LRRC61: variants seen among roughly 807,000 people sequenced by gnomAD.
LRRC61 encodes the protein leucine rich repeat containing 61.
A neutral mutation model predicts 15.1 loss-of-function variants in LRRC61; 9 were observed. The ratio of observed to expected loss-of-function variants is 0.60; its 90% CI spans 0.36 to 1.04. The LOEUF (loss-of-function observed/expected upper bound fraction) is 1.04, where lower values mean the gene tolerates loss of function less well. LRRC61 is among the 50% of genes least tolerant of loss of function. The pLI is 0.01. For missense variants in LRRC61, 344 were observed against 335.6 expected (o/e 1.03, Z -0.20); for synonymous variants, 173 against 158.6 (o/e 1.09, Z -0.68).
intron 1 of LRRC61, among the ~76,000 whole-genome samples, chr7:150,323,995 C>G (rs1179618623): frequency 6.6e-6 from 1 of 152,194 alleles, no homozygotes; most frequent in Non-Finnish European, 1.5e-5. Flanking sequence ...AGTATGAAAC[C>G]TAATGATGCA....
chr7:150,323,652 G>A (rs1305379286), intron 1 of LRRC61, 92 bp downstream of exon 1: 6 of 455,650 alleles, frequency 1.3e-5, no homozygotes, highest in Admixed American at 7.0e-5. Flanking sequence ...GGCCAGCGGT[G>A]CCCTCGCGCC....
At chr7:150,322,280 T>C (rs1189933088), upstream of LRRC61, among the ~76,000 whole-genome samples, 10 of 152,320 alleles carry the variant, frequency 6.6e-5, no homozygotes, top group Admixed American at 6.5e-5. Flanking sequence ...GCTGCATTCA[T>C]AGGAGGTTAG....
Position 150,337,600 on chromosome 7 carries a change from G to T in LRRC61, c.739G>T (p.Val247Leu). Residue 247 changes from valine to leucine, a missense_variant, in exon 3 of 3, where the codon GTA (valine) becomes TTA (leucine). Coordinates refer to ENST00000359623, the MANE Select transcript of LRRC61 (RefSeq NM_001142928.2). ...ASDSLAQAEQ[V>L]LSSAGPTSSF... ...CGACAGCCTGGCCCAGGCGGAGCAG[G>T]TACTCAGCTCTGCGGGCCCCACCTC... 2 of 1,556,798 alleles carry T rather than the reference G, an allele frequency of 1.3e-6. No individual in the cohort carries two copies. The highest frequency in any genetic ancestry group is 1.4e-5 in the African/African-American group (1 of 72,944).
the LRRC61 span, among the ~76,000 whole-genome samples, chr7:150,313,651 G>A: frequency 5.3e-5 from 8 of 152,106 alleles, no homozygotes; most frequent in South Asian, 6.2e-4. Context: ...TTTTTTTCAC[G>A]TTAACTTTGC....
rs1798062379 is a variant in LRRC61 at position 150,330,197 on chromosome 7, C to T, written c.-145+4187C>T. ...AGGGACTCCTCACCCAGCTCCAGCG[C>T]CAGCGCAGCCTCCTAGCCCACCAGC... On this transcript the variant is annotated intron_variant, in intron 2 of 2. Transcript: ENST00000359623. This position sits in a 1 kb window ranked among gnomAD's most constrained non-coding sequence, Gnocchi z 4.6. 1 of 590,780 alleles carries T rather than the reference C, an allele frequency of 1.7e-6. No homozygotes were observed. Among genetic ancestry groups the T allele is most frequent in the Admixed American group, 3.1e-5 (1 of 32,498 alleles). 36.6% of individuals were successfully genotyped at this position (590,780 alleles called of 1,614,324 possible).
At chr7:150,329,214 G>C (rs1024939802) in intron 2 of LRRC61, among the ~76,000 whole-genome samples, 1 of 152,216 alleles carries the variant, frequency 6.6e-6, no homozygotes, top group Non-Finnish European at 1.5e-5. Context: ...TGCTATGCAG[G>C]CCTGGAGCTT....
rs570232334 is a variant in LRRC61 at position 150,330,310 on chromosome 7, A to G, written c.-145+4300A>G. The G allele has an allele frequency of 5.6e-6, 4 of 712,468 alleles. No individual in the cohort carries two copies. The highest frequency in any genetic ancestry group is 3.7e-5 in the Admixed American group (2 of 53,982). The allele number at this position is 712,468 out of a possible 1,614,324, so 44.1% of individuals were successfully genotyped here. ...CAGCAGCAGCCCCTTCAAGAGTACA[A>G]GGGCAGGCACCAGCTGGGGAAGGCT... is the stretch of plus-strand genomic sequence containing the variant. On this transcript the variant is annotated intron_variant, in intron 2 of 2. Coordinates refer to ENST00000359623, the MANE Select transcript of LRRC61 (RefSeq NM_001142928.2). The surrounding 1 kb of genome is among the most constrained non-coding windows in gnomAD (Gnocchi z 4.6).
chr7:150,313,386 A>G, the LRRC61 span, among the ~76,000 whole-genome samples: 1 of 152,242 alleles, frequency 6.6e-6, no homozygotes, highest in Admixed American at 6.5e-5. Flanking sequence ...GAAAGGGACA[A>G]GTTATTATCC....
At chr7:150,315,741 T>C in the LRRC61 span, among the ~76,000 whole-genome samples, 1 of 152,120 alleles carries the variant, frequency 6.6e-6, no homozygotes, top group African/African-American at 2.4e-5. Context: ...CATGTAGAAG[T>C]AAACATACAC....
chr7:150,335,891 C>T lies in LRRC61; in HGVS notation c.-144-827C>T, dbSNP rs1798270979. ...TGTGCCCCTCCCGGCTTTCTGGAGC[C>T]ACCCTTCCCTCCCTCCAAGACAGCC... On this transcript the variant is annotated intron_variant, in intron 2 of 2. Coordinates refer to ENST00000359623, the MANE Select transcript of LRRC61 (RefSeq NM_001142928.2). This position sits in a 1 kb window ranked among gnomAD's most constrained non-coding sequence, Gnocchi z 4.3. Among the ~76,000 whole-genome samples, 1 of 152,246 alleles carries T rather than the reference C, an allele frequency of 6.6e-6. No individual in the cohort carries two copies. The highest frequency in any genetic ancestry group is 2.4e-5 in the African/African-American group (1 of 41,462).
Position 150,337,117 on chromosome 7 carries a change from C to A in LRRC61, c.256C>A (p.Arg86=). ...AGCTGTGCTCAATGTCTCCAACAAT[C>A]GGCTGACGGGCCTGGAGCCACTGGC... ...QLAVLNVSNN[R]LTGLEPLATC... is the part of the protein sequence containing the mutation. Residue 86 remains arginine (R), a synonymous_variant, in exon 3 of 3, where the codon CGG becomes AGG. Coordinates refer to ENST00000359623, the MANE Select transcript of LRRC61 (RefSeq NM_001142928.2). The A allele has an allele frequency of 6.2e-7, 1 of 1,612,276 alleles. No homozygotes were observed.
chr7:150,333,272 G>A lies in LRRC61; in HGVS notation c.-144-3446G>A, dbSNP rs1041220331. On this transcript the variant is annotated intron_variant, in intron 2 of 2. Coordinates refer to ENST00000359623, the MANE Select transcript of LRRC61 (RefSeq NM_001142928.2). The surrounding 1 kb of genome is among the most constrained non-coding windows in gnomAD (Gnocchi z 4.3). ...CTAGAACCTTCACTTTCATCTAGGCGCAGTTTTGTCCCCCAGTGGACATTG... is the reference window on the plus strand; with the variant it reads ...CTAGAACCTTCACTTTCATCTAGGCACAGTTTTGTCCCCCAGTGGACATTG... 6.6e-6 allele frequency among the ~76,000 whole-genome samples: 1 copy of A among 152,202 alleles called. No individual in the cohort carries two copies. The highest frequency in any genetic ancestry group is 2.4e-5 in the African/African-American group (1 of 41,448).
the LRRC61 span, among the ~76,000 whole-genome samples, chr7:150,310,547 C>T: frequency 6.6e-6 from 1 of 152,106 alleles, no homozygotes; most frequent in East Asian, 1.9e-4. Context: ...CCCCTATACT[C>T]TCCTCTCCTC....
Position 150,337,647 on chromosome 7 carries a change from G to C in LRRC61, c.*6G>C. 1 of 1,520,816 alleles carries C rather than the reference G, an allele frequency of 6.6e-7. No individual in the cohort carries two copies. Among genetic ancestry groups the C allele is most frequent in the East Asian group, 2.3e-5 (1 of 44,052 alleles). The allele number at this position is 1,520,816 out of a possible 1,614,324, so 94.2% of individuals were successfully genotyped here. A position where few individuals can be genotyped will look rare whatever the true frequency, so the allele number is the denominator to read the frequency against. ...CCTCTTCCTTCGTCTTCTGAACGTG[G>C]CCTATGGCCCAGGACAGCCTGGCAG... On this transcript the variant is annotated 3_prime_UTR_variant, in exon 3 of 3. Coordinates refer to ENST00000359623, the MANE Select transcript of LRRC61 (RefSeq NM_001142928.2).
the LRRC61 span, among the ~76,000 whole-genome samples, chr7:150,309,687 C>T: frequency 6.3e-3 from 961 of 152,314 alleles, 22 homozygotes; most frequent in Admixed American, 0.046. Flanking sequence ...CTTCCTAAGC[C>T]GTGTCCCACC....
intron 1 of LRRC61, among the ~76,000 whole-genome samples, chr7:150,324,716 C>G (rs1797885717): frequency 6.6e-6 from 1 of 152,140 alleles, no homozygotes. Flanking sequence ...GGATCCCTTT[C>G]TCCAGGAAGC....
At position 150,333,486 on chromosome 7, in the gene LRRC61, G is replaced by A. The variant is rs750211640; in HGVS notation, c.-144-3232G>A. Among the ~76,000 whole-genome samples, 30 of 152,210 alleles carry A rather than the reference G, an allele frequency of 2.0e-4. No homozygotes were observed. The highest frequency in any genetic ancestry group is 7.2e-4 in the Admixed American group (11 of 15,288). On this transcript the variant is annotated intron_variant, in intron 2 of 2. Coordinates refer to ENST00000359623, the MANE Select transcript of LRRC61 (RefSeq NM_001142928.2). The surrounding 1 kb of genome is among the most constrained non-coding windows in gnomAD (Gnocchi z 4.3). ...TGGGAAGCCCTCTTCTAGAGCGTTA[G>A]AGCCTCCAGTCCACCCGAGGCTGCT...
chr7:150,336,662 C>T, intron 2 of LRRC61, 56 bp from the exon 3 acceptor site: 1 of 664,008 alleles, frequency 1.5e-6, no homozygotes, highest in Non-Finnish European at 2.5e-6. Context: ...TCCCTGCCGT[C>T]ACCTGCTGCG....
chr7:150,323,258 C>T (rs749535653), upstream of LRRC61: 1 of 246,846 alleles, frequency 4.1e-6, no homozygotes, highest in Non-Finnish European at 8.1e-6. Flanking sequence ...CGCGCGAAGA[C>T]CCCCGCAGGC....
Sources: gnomAD v4.1 joint callset for allele counts (sites outside exome capture counted in the v4.1 genomes callset) on GRCh38, gnomAD v4.1.1 for gene constraint, Gnocchi (gnomAD v3.1) non-coding constraint, MANE v1.5 for transcripts, NCBI Gene and HGNC (gene_info 2026-07-23, HGNC 2026-07-21) for gene names.